Variants in CAMK1D observed in about 807,000 individuals in gnomAD.
CAMK1D encodes calcium/calmodulin dependent protein kinase ID, also known as calcium/calmodulin-dependent protein kinase type 1D.
In CAMK1D, 9 loss-of-function variants were observed where a neutral mutation model predicts 47.7. The observed-to-expected ratio is 0.19, with a 90% CI of 0.11 to 0.33. The LOEUF is 0.33. Ranked by LOEUF, CAMK1D falls within the 10% of genes least tolerant of loss-of-function variation. The pLI is 1.00. For missense variants in CAMK1D, 291 were observed against 488.7 expected (o/e 0.60, Z 3.81); for synonymous variants, 184 against 184.9 (o/e 0.99, Z 0.04).
chr10:12,751,304 G>A (rs190058395), intron 3 of CAMK1D, among the ~76,000 whole-genome samples: 1 of 152,186 alleles, frequency 6.6e-6, no homozygotes, highest in East Asian at 1.9e-4. Context: ...CACCCATGCT[G>A]GAGTGAGTGG....
At chr10:12,498,635 G>A (rs1834610535) in intron 1 of CAMK1D, among the ~76,000 whole-genome samples, 1 of 152,226 alleles carries the variant, frequency 6.6e-6, no homozygotes, top group Non-Finnish European at 1.5e-5. Context: ...GGCCACAGCT[G>A]CTTGAAGAGT....
At chr10:12,456,159 A>G (rs1348462255) in intron 1 of CAMK1D, among the ~76,000 whole-genome samples, 1 of 152,234 alleles carries the variant, frequency 6.6e-6, no homozygotes, top group Non-Finnish European at 1.5e-5. Flanking sequence ...CTGGGAATAT[A>G]AACTAGGTTT....
At chr10:12,792,342 T>C (rs1201944254) in intron 6 of CAMK1D, among the ~76,000 whole-genome samples, 1 of 152,260 alleles carries the variant, frequency 6.6e-6, no homozygotes, top group African/African-American at 2.4e-5. Flanking sequence ...TAAATTACAA[T>C]TTCTTTTACA....
rs1286959916 is a variant in CAMK1D, at chr10:12,531,874, G to C, written c.93-21351G>C. ...TTGGTACAGCAAATAACTGCTAAAT[G>C]ATGAGGCTAGGGAATTGACAGTAAA... On this transcript the variant is annotated intron_variant, in intron 1 of 10. Transcript: ENST00000619168. 2.6e-5 allele frequency among the ~76,000 whole-genome samples: 4 copies of C among 152,234 alleles called. No homozygotes were observed. In the East Asian group the frequency reaches 5.8e-4, roughly 22 times the overall value.
At chr10:12,712,576 A>T (rs1833976309) in intron 3 of CAMK1D, among the ~76,000 whole-genome samples, 2 of 152,120 alleles carry the variant, frequency 1.3e-5, no homozygotes, top group African/African-American at 2.4e-5. Context: ...GTGTTCTCAC[A>T]TGGTGGACAA....
chr10:12,386,849 C>G (rs1408752078), intron 1 of CAMK1D, among the ~76,000 whole-genome samples: 1 of 152,122 alleles, frequency 6.6e-6, no homozygotes. Context: ...AGTAAATTCA[C>G]ATACAATATA....
intron 2 of CAMK1D, among the ~76,000 whole-genome samples, chr10:12,616,580 T>G (rs186417355): frequency 8.8e-4 from 134 of 152,000 alleles, no homozygotes; most frequent in Non-Finnish European, 1.6e-3. Flanking sequence ...TGCAGTGGTG[T>G]GATCTCGGCT....
In CAMK1D at chr10:12,777,100, T is replaced by G. The variant is rs77644301; in HGVS notation, c.565+7301T>G. Among the ~76,000 whole-genome samples, 829 of 152,172 alleles carry G rather than the reference T, an allele frequency of 5.4e-3. 10 individuals are homozygous for G. The highest frequency in any genetic ancestry group is 0.019 in the African/African-American group (792 of 41,526). ...GGGAGATGTTAATTTATGGCTGCGT[T>G]TTAAAGCCGTGAACCGGGATAGGCA... is the stretch of plus-strand genomic sequence containing the variant. On this transcript the variant is annotated intron_variant, in intron 5 of 10. Coordinates refer to ENST00000619168, the MANE Select transcript of CAMK1D (RefSeq NM_153498.4).
chr10:12,632,866 T>C (rs1259262891), intron 2 of CAMK1D, among the ~76,000 whole-genome samples: 4 of 152,132 alleles, frequency 2.6e-5, no homozygotes, highest in African/African-American at 9.7e-5. Flanking sequence ...AGCTAATTTT[T>C]GTATTTTTAA....
chr10:12,721,938 C>A (rs1050874497), intron 3 of CAMK1D, among the ~76,000 whole-genome samples: 1 of 152,132 alleles, frequency 6.6e-6, no homozygotes, highest in Non-Finnish European at 1.5e-5. Context: ...TCGCTGCCTT[C>A]TAAGTGCAGC....
intron 1 of CAMK1D, among the ~76,000 whole-genome samples, chr10:12,367,557 C>T (rs1317863075): frequency 1.3e-5 from 2 of 151,916 alleles, no homozygotes; most frequent in African/African-American, 4.8e-5. Flanking sequence ...AATGTAGAAT[C>T]AGTGCGAGGC....
chr10:12,623,597 A>G (rs1839114450), intron 2 of CAMK1D, among the ~76,000 whole-genome samples: 1 of 150,914 alleles, frequency 6.6e-6, no homozygotes, highest in South Asian at 2.1e-4. Flanking sequence ...AATAAATAAC[A>G]TTCTGAGGAA....
At chr10:12,788,780 C>T (rs1373276612) in intron 5 of CAMK1D, among the ~76,000 whole-genome samples, 1 of 152,242 alleles carries the variant, frequency 6.6e-6, no homozygotes, top group African/African-American at 2.4e-5. Context: ...TCAGCTATCG[C>T]CCGGCCAGCC....
intron 2 of CAMK1D, among the ~76,000 whole-genome samples, chr10:12,568,280 T>TC (rs1174490841): frequency 4.4e-5 from 1 of 22,688 alleles, no homozygotes; most frequent in Non-Finnish European, 8.1e-5. Flanking sequence ...CGTCCCCCCT[T>TC]CCCGTCCCAT....
chr10:12,827,907 G>C (rs1833315309), intron 10 of CAMK1D, among the ~76,000 whole-genome samples: 1 of 152,030 alleles, frequency 6.6e-6, no homozygotes, highest in South Asian at 2.1e-4. Context: ...TGGAACTCCT[G>C]AGACTCAAGC....
intron 2 of CAMK1D, among the ~76,000 whole-genome samples, chr10:12,617,871 C>G (rs1029105558): frequency 2.6e-5 from 4 of 152,144 alleles, no homozygotes; most frequent in Non-Finnish European, 5.9e-5. Flanking sequence ...CCAAATGAAA[C>G]GTGAAGTGGT....
At chr10:12,693,972 TA>T (rs1833049824) in intron 3 of CAMK1D, among the ~76,000 whole-genome samples, 1 of 18,116 alleles carries the variant, frequency 5.5e-5, no homozygotes, top group Non-Finnish European at 1.3e-4. Context: ...ATAAAATATA[TA>T]ATATATATTA....
Position 12,401,113 on chromosome 10 carries a change from TATATA to T in CAMK1D, c.92+51209_92+51213del, listed in dbSNP as rs1316597139. 1.2e-4 allele frequency among the ~76,000 whole-genome samples: 10 copies of T among 80,226 alleles called. No homozygotes were observed. The East Asian group carries it at 2.7e-3, about 21-fold the overall frequency. The allele number at this position is 80,226 out of a possible 152,430, so 52.6% of individuals were successfully genotyped here. A position where few individuals can be genotyped will look rare whatever the true frequency, so the allele number is the denominator to read the frequency against. On this transcript the variant is annotated intron_variant, in intron 1 of 10. Transcript: ENST00000619168. ...ATATATATTATATATATATTTTATATATATAATATATGTATTATATATATTATATA... is the reference window on the plus strand; with the variant it reads ...ATATATATTATATATATATTTTATATATATATGTATTATATATATTATATA...
intron 3 of CAMK1D, among the ~76,000 whole-genome samples, chr10:12,725,065 A>G (rs1254109374): frequency 6.6e-6 from 1 of 152,208 alleles, no homozygotes; most frequent in Admixed American, 6.5e-5. Context: ...CAAGGGTCCC[A>G]CTGTGTTTCT....
Sources: allele counts gnomAD v4.1 joint callset (sites outside exome capture counted in the v4.1 genomes callset), GRCh38; gene constraint gnomAD v4.1.1; transcripts MANE v1.5; gene names NCBI Gene and HGNC (gene_info 2026-07-23, HGNC 2026-07-21).